Variants in AGFG1 observed in about 807,000 individuals in gnomAD.
The protein encoded by AGFG1 is arf-GAP domain and FG repeat-containing protein 1.
AGFG1 carries 10 observed loss-of-function variants against 60.6 expected under a neutral mutation model. The ratio of observed to expected loss-of-function variants is 0.16; its 90% CI spans 0.10 to 0.28. The LOEUF is 0.28. Among genes scored for constraint, AGFG1 ranks in the 10% least tolerant of loss-of-function variants. AGFG1 has a pLI of 1.00. For missense variants in AGFG1, 537 were observed against 676.5 expected (o/e 0.79, Z 2.29); for synonymous variants, 247 against 242.9 (o/e 1.02, Z -0.16).
In AGFG1 at chr2:227,534,965, G is replaced by A; in HGVS notation, c.1145G>A (p.Ser382Asn). The A allele has an allele frequency of 6.2e-7, 1 of 1,613,598 alleles. No homozygotes were observed. The highest frequency in any genetic ancestry group is 8.5e-7 in the Non-Finnish European group (1 of 1,179,596). ...DKYAALAELD[S>N]VFSSAATSSN... ...TATGCAGCTCTGGCAGAACTAGACAGCGTTTTCAGTTCTGCAGCCACCTCC... is the reference window on the plus strand; with the variant it reads ...TATGCAGCTCTGGCAGAACTAGACAACGTTTTCAGTTCTGCAGCCACCTCC... Residue 382 changes from serine (S) to asparagine (N), a missense_variant, in exon 8 of 13, where the codon AGC becomes AAC. Ser to Asn is a conservative substitution (Grantham distance 46). Coordinates refer to ENST00000310078, the MANE Select transcript of AGFG1 (RefSeq NM_004504.5).
At chr2:227,537,038 T>C (rs1692335609) in intron 10 of AGFG1, 45 bp downstream of exon 10, 3 of 1,534,114 alleles carry the variant, frequency 2.0e-6, no homozygotes, top group Non-Finnish European at 2.7e-6. Flanking sequence ...GGGAAGACAT[T>C]TATCAACAAA....
chr2:227,496,625 G>A (rs1179229335), intron 2 of AGFG1, among the ~76,000 whole-genome samples: 1 of 152,000 alleles, frequency 6.6e-6, no homozygotes, highest in Non-Finnish European at 1.5e-5. Context: ...GTGAACCTTG[G>A]GCAAGAAGCT....
chr2:227,481,992 C>T (rs563676567), intron 1 of AGFG1, among the ~76,000 whole-genome samples: 7 of 151,616 alleles, frequency 4.6e-5, no homozygotes, highest in South Asian at 2.1e-4. Context: ...CAGCCTCCCA[C>T]GTAGCTGGGA....
chr2:227,486,289 T>C (rs1222456301), intron 1 of AGFG1, among the ~76,000 whole-genome samples: 1 of 152,212 alleles, frequency 6.6e-6, no homozygotes, highest in Non-Finnish European at 1.5e-5. Context: ...GAGATTTCCC[T>C]TTCTGAAAAG....
intron 2 of AGFG1, among the ~76,000 whole-genome samples, chr2:227,516,323 AT>A (rs1691649508): frequency 6.6e-6 from 1 of 152,168 alleles, no homozygotes; most frequent in African/African-American, 2.4e-5. Flanking sequence ...TTGCTTGCTG[AT>A]TTACGGAACT....
In AGFG1 at chr2:227,558,675, A is replaced by G. The variant is rs1486771808; in HGVS notation, c.*4180A>G. On this transcript the variant is annotated 3_prime_UTR_variant, in exon 13 of 13. Coordinates refer to ENST00000310078, the MANE Select transcript of AGFG1 (RefSeq NM_004504.5). ...CACGTGGTTGTTTGTGAACAGATGA[A>G]TATATAACCACGATGTAATCCAGTG... 1 of 152,202 alleles carries G rather than the reference A, an allele frequency of 6.6e-6. No homozygotes were observed. Among genetic ancestry groups the G allele is most frequent in the African/African-American group, 2.4e-5 (1 of 41,456 alleles). The allele number at this position is 152,202 out of a possible 1,614,324, so 9.4% of individuals were successfully genotyped here.
chr2:227,475,511 C>CT (rs1690255252), intron 1 of AGFG1, among the ~76,000 whole-genome samples: 3 of 152,096 alleles, frequency 2.0e-5, no homozygotes, highest in Admixed American at 6.5e-5. Flanking sequence ...AGATTTTTTT[C>CT]TTTGACAAGC....
intron 10 of AGFG1, among the ~76,000 whole-genome samples, chr2:227,545,925 G>T (rs1356482416): frequency 1.3e-5 from 2 of 152,218 alleles, no homozygotes; most frequent in South Asian, 2.1e-4. Flanking sequence ...CTCCCAGTTA[G>T]GCTACTGCGG....
chr2:227,497,866 T>C (rs915381401), intron 2 of AGFG1, among the ~76,000 whole-genome samples: 6 of 147,486 alleles, frequency 4.1e-5, no homozygotes, highest in African/African-American at 1.5e-4. Flanking sequence ...TGCCTCAGCC[T>C]CCCAAGTAGC....
chr2:227,531,250 C>T (rs753193871), intron 6 of AGFG1, 40 bp downstream of exon 6: 2 of 1,584,454 alleles, frequency 1.3e-6, no homozygotes, highest in Non-Finnish European at 1.7e-6. Flanking sequence ...GTTTACTTTA[C>T]AAAACAAAAC....
At chr2:227,477,603 C>CT (rs1377546739) in intron 1 of AGFG1, among the ~76,000 whole-genome samples, 2 of 151,780 alleles carry the variant, frequency 1.3e-5, no homozygotes, top group South Asian at 2.1e-4. Flanking sequence ...AAGACTTTTT[C>CT]TTTTTTTTGT....
At chr2:227,527,504 C>T (rs184535333) in intron 5 of AGFG1, among the ~76,000 whole-genome samples, 1 of 152,230 alleles carries the variant, frequency 6.6e-6, no homozygotes, top group African/African-American at 2.4e-5. Context: ...GATTCATTTC[C>T]TAACAGCTTG....
intron 2 of AGFG1, among the ~76,000 whole-genome samples, 185 bp from the exon 3 acceptor site, chr2:227,519,763 A>G (rs1328344880): frequency 6.6e-6 from 1 of 152,188 alleles, no homozygotes; most frequent in African/African-American, 2.4e-5. Context: ...TTGTTGCTAA[A>G]ATTTTACTGC....
intron 1 of AGFG1, among the ~76,000 whole-genome samples, chr2:227,483,888 G>T (rs544770799): frequency 3.8e-4 from 58 of 152,004 alleles, no homozygotes; most frequent in African/African-American, 1.4e-3. Flanking sequence ...GTTTTGTTTT[G>T]ATTTTTCCCT....
Position 227,552,031 on chromosome 2 carries a change from C to T in AGFG1, c.1451C>T (p.Thr484Ile). Residue 484 changes from threonine (T) to isoleucine (I), a missense_variant, in exon 11 of 13, where the codon ACC becomes ATC. By Grantham distance (89) the Thr-to-Ile change is moderately conservative. Transcript: ENST00000310078. ...FGTPAPYSLP[T>I]SFSGSFQQPA... ...ACTCCTGCTCCCTACAGTCTTCCCA[C>T]CAGCTTTAGTGGCAGCTTTCAGCAG... is the stretch of plus-strand genomic sequence containing the variant. 1 of 1,614,176 alleles carries T rather than the reference C, an allele frequency of 6.2e-7. No individual in the cohort carries two copies. The highest frequency in any genetic ancestry group is 8.5e-7 in the Non-Finnish European group (1 of 1,180,036).
chr2:227,537,574 T>C (rs980668532), intron 10 of AGFG1, among the ~76,000 whole-genome samples: 12 of 152,214 alleles, frequency 7.9e-5, no homozygotes, highest in Admixed American at 5.2e-4. Flanking sequence ...ATTCTCTTTG[T>C]TGTCTCCATT....
At chr2:227,518,486 ATGCATGTC>A (rs1408318080) in intron 2 of AGFG1, among the ~76,000 whole-genome samples, 4 of 139,500 alleles carry the variant, frequency 2.9e-5, no homozygotes, top group African/African-American at 8.0e-5. Flanking sequence ...CTAGTAGTAT[ATGCATGTC>A]TGTCTTGTGG....
At chr2:227,482,707 A>G (rs545751915) in intron 1 of AGFG1, among the ~76,000 whole-genome samples, 14 of 152,220 alleles carry the variant, frequency 9.2e-5, no homozygotes, top group Non-Finnish European at 2.1e-4. Context: ...TCCAGCACAG[A>G]TTGTTATTTG....
intron 6 of AGFG1, among the ~76,000 whole-genome samples, chr2:227,531,762 AT>A (rs762151625): frequency 6.6e-6 from 1 of 152,024 alleles, no homozygotes; most frequent in African/African-American, 2.4e-5. Context: ...GGTTCATAGA[AT>A]CCATTGATTT....
Sources: gnomAD v4.1 joint callset for allele counts (sites outside exome capture counted in the v4.1 genomes callset) on GRCh38, gnomAD v4.1.1 for gene constraint, MANE v1.5 for transcripts, NCBI Gene and HGNC (gene_info 2026-07-23, HGNC 2026-07-21) for gene names.